The following KCND3 variants were observed in gnomAD, a reference collection of about 807,000 sequenced individuals.
The protein encoded by KCND3 is potassium voltage-gated channel subfamily D member 3.
A neutral mutation model predicts 51.1 loss-of-function variants in KCND3; 9 were observed. The ratio of observed to expected loss-of-function variants is 0.18; its 90% CI spans 0.11 to 0.31. The LOEUF (loss-of-function observed/expected upper bound fraction) is 0.31. Among genes scored for constraint, KCND3 ranks in the 10% least tolerant of loss-of-function variants. The pLI, the probability that KCND3 is intolerant of heterozygous loss-of-function variation, is 1.00. For synonymous variants in KCND3, 349 were observed against 368.0 expected, an observed-to-expected ratio of 0.95 and a Z score of 0.59; for missense variants, 526 against 903.8, an observed-to-expected ratio of 0.58 and a Z score of 5.36.
intron 2 of KCND3, among the ~76,000 whole-genome samples, chr1:111,869,557 C>T (rs1428060526): frequency 6.6e-6 from 1 of 152,174 alleles, no homozygotes; most frequent in Non-Finnish European, 1.5e-5. Flanking sequence ...CTCCAAGCCA[C>T]CCATTGCCCA....
chr1:111,855,205 C>G (rs1383578379), intron 2 of KCND3, among the ~76,000 whole-genome samples: 1 of 152,212 alleles, frequency 6.6e-6, no homozygotes, highest in Non-Finnish European at 1.5e-5. Context: ...TCTGGAGCTC[C>G]AAGGCCTGGG....
intron 2 of KCND3, among the ~76,000 whole-genome samples, chr1:111,937,740 G>T (rs1221373959): frequency 6.6e-6 from 1 of 152,190 alleles, no homozygotes; most frequent in South Asian, 2.1e-4. Context: ...AAGGGGACAG[G>T]CCCTTAGCTG....
At chr1:111,808,148 T>G (rs1361591260) in intron 2 of KCND3, among the ~76,000 whole-genome samples, 2 of 152,184 alleles carry the variant, frequency 1.3e-5, no homozygotes, top group Non-Finnish European at 2.9e-5. Context: ...AACAGGAAAG[T>G]CCATGCACCT....
intron 2 of KCND3, among the ~76,000 whole-genome samples, chr1:111,797,310 G>A (rs1414110779): frequency 6.6e-6 from 1 of 152,156 alleles, no homozygotes; most frequent in Non-Finnish European, 1.5e-5. Context: ...GCGTACATGA[G>A]GAAACAGACA....
At chr1:111,884,046 T>A (rs1669457215) in intron 2 of KCND3, among the ~76,000 whole-genome samples, 1 of 152,218 alleles carries the variant, frequency 6.6e-6, no homozygotes, top group African/African-American at 2.4e-5. Context: ...TCTTGTAGGC[T>A]CTTCAACAGG....
At chr1:111,883,090 T>A (rs537012605) in intron 2 of KCND3, among the ~76,000 whole-genome samples, 5 of 152,332 alleles carry the variant, frequency 3.3e-5, no homozygotes, top group African/African-American at 1.2e-4. Context: ...CCCAAACAAC[T>A]GGCCACCTCC....
intron 2 of KCND3, among the ~76,000 whole-genome samples, chr1:111,888,253 T>C (rs1669658440): frequency 6.6e-6 from 1 of 151,936 alleles, no homozygotes; most frequent in African/African-American, 2.4e-5. Context: ...GTGGGGATTG[T>C]GGTAATTACA....
chr1:111,923,002 G>T (rs527771484), intron 2 of KCND3, among the ~76,000 whole-genome samples: 1 of 152,328 alleles, frequency 6.6e-6, no homozygotes, highest in Non-Finnish European at 1.5e-5. Flanking sequence ...GGCTTTGAAT[G>T]ACTACTGGAA....
chr1:111,786,886 G>A, intron 3 of KCND3, 58 bp downstream of exon 3: 1 of 1,603,302 alleles, frequency 6.2e-7, no homozygotes, highest in South Asian at 1.1e-5. Context: ...CTGGCTCCCT[G>A]ACTGGTGCTC....
At chr1:111,937,172 A>G (rs559018344) in intron 2 of KCND3, among the ~76,000 whole-genome samples, 2 of 152,282 alleles carry the variant, frequency 1.3e-5, no homozygotes, top group African/African-American at 4.8e-5. Flanking sequence ...TTCCTGAGAT[A>G]AGGAACAAGG....
chr1:111,954,158 A>T (rs2101912908), intron 2 of KCND3, among the ~76,000 whole-genome samples: 1 of 152,218 alleles, frequency 6.6e-6, no homozygotes, highest in East Asian at 1.9e-4. Context: ...TTCCCCTTGC[A>T]CCTGCAGACT....
chr1:111,805,786 G>T (rs4553192), intron 2 of KCND3, among the ~76,000 whole-genome samples: 12,546 of 152,244 alleles, frequency 0.082, 796 homozygotes, highest in African/African-American at 0.16. Flanking sequence ...AAAATTCCCC[G>T]CGGCTGCAGA....
Position 111,770,724 on chromosome 1 carries a change from C to T in KCND3, c.*5353G>A, listed in dbSNP as rs1663882574. ...TTGGATACATCAGGTACAGCAGTGGCACACGACTCAATACTGTAAATGATA... is the reference window on the plus strand; with the variant it reads ...TTGGATACATCAGGTACAGCAGTGGTACACGACTCAATACTGTAAATGATA... On this transcript the variant is annotated 3_prime_UTR_variant, in exon 8 of 8. Coordinates refer to ENST00000302127, the MANE Select transcript of KCND3 (RefSeq NM_001378969.1). The T allele has an allele frequency of 6.6e-6, 1 of 152,048 alleles. No individual in the cohort carries two copies. The highest frequency in any genetic ancestry group is 2.1e-4 in the South Asian group (1 of 4,832). The allele number at this position is 152,048 out of a possible 1,614,324, so 9.4% of individuals were successfully genotyped here.
At chr1:111,821,481 A>G (rs577155690) in intron 2 of KCND3, among the ~76,000 whole-genome samples, 7 of 152,222 alleles carry the variant, frequency 4.6e-5, no homozygotes, top group African/African-American at 1.7e-4. Flanking sequence ...TGCTGGGTCT[A>G]TGGTGGTGCT....
At chr1:111,924,871 G>A (rs997107006) in intron 2 of KCND3, among the ~76,000 whole-genome samples, 5 of 152,204 alleles carry the variant, frequency 3.3e-5, no homozygotes, top group African/African-American at 1.2e-4. Context: ...CTCCTACCTG[G>A]GAGGGAAGCC....
At chr1:111,841,932 G>C (rs1557971769) in intron 2 of KCND3, among the ~76,000 whole-genome samples, 1 of 152,184 alleles carries the variant, frequency 6.6e-6, no homozygotes, top group African/African-American at 2.4e-5. Context: ...GTACAGGCCT[G>C]GGGGGGTCAG....
At chr1:111,843,412 T>C (rs966546763) in intron 2 of KCND3, among the ~76,000 whole-genome samples, 6 of 152,222 alleles carry the variant, frequency 3.9e-5, no homozygotes, top group Non-Finnish European at 8.8e-5. Flanking sequence ...CCAGATGGCA[T>C]GGGCCCCAAG....
intron 2 of KCND3, among the ~76,000 whole-genome samples, chr1:111,915,646 G>A (rs932206398): frequency 2.6e-5 from 4 of 151,606 alleles, no homozygotes; most frequent in Non-Finnish European, 4.4e-5. Context: ...CCAGCTACTC[G>A]GGAGGCTGAG....
intron 2 of KCND3, among the ~76,000 whole-genome samples, chr1:111,966,238 C>T (rs1467474515): frequency 6.6e-6 from 1 of 152,230 alleles, no homozygotes; most frequent in African/African-American, 2.4e-5. Context: ...GTAATATAAG[C>T]CATGCTGCCC....
Sources: gnomAD v4.1 joint callset for allele counts (sites outside exome capture counted in the v4.1 genomes callset) on GRCh38, gnomAD v4.1.1 for gene constraint, MANE v1.5 for transcripts, NCBI Gene and HGNC (gene_info 2026-07-23, HGNC 2026-07-21) for gene names.